The following LIFR variants were observed in gnomAD, a reference collection of about 807,000 sequenced individuals.
The protein encoded by LIFR is LIF receptor subunit alpha.
In LIFR, 84 loss-of-function variants were observed where a neutral mutation model predicts 122.2. That is an observed-to-expected ratio of 0.69 (90% confidence interval 0.58 to 0.82). The LOEUF is 0.82. LIFR is among the 40% of genes least tolerant of loss of function. The pLI, the probability that LIFR is intolerant of heterozygous loss-of-function variation, is 0.00. For missense variants in LIFR, 1,294 were observed against 1,311.6 expected (o/e 0.99, Z 0.21); for synonymous variants, 422 against 434.7 (o/e 0.97, Z 0.36).
At chr5:38,595,754 A>G (rs1334406614), upstream of LIFR, among the ~76,000 whole-genome samples, 1 of 141,198 alleles carries the variant, frequency 7.1e-6, no homozygotes, top group Non-Finnish European at 1.5e-5. Context: ...TTTTTTTGAA[A>G]CAGAGTCTCG....
intron 1 of LIFR, among the ~76,000 whole-genome samples, chr5:38,593,235 A>G (rs1221639256): frequency 6.6e-6 from 1 of 152,008 alleles, no homozygotes; most frequent in Non-Finnish European, 1.5e-5. Context: ...CAAAACAAAC[A>G]AACAAAAAAC....
chr5:38,525,952 A>C (rs1268958143), intron 4 of LIFR, among the ~76,000 whole-genome samples: 1 of 152,254 alleles, frequency 6.6e-6, no homozygotes, highest in Non-Finnish European at 1.5e-5. Context: ...TTTAAATAGC[A>C]GTGGGCTACT....
At chr5:38,544,928 T>C (rs1747792425) in intron 1 of LIFR, among the ~76,000 whole-genome samples, 1 of 152,128 alleles carries the variant, frequency 6.6e-6, no homozygotes, top group African/African-American at 2.4e-5. Flanking sequence ...ATAAACTGAA[T>C]CTAGTGTGCA....
intron 1 of LIFR, among the ~76,000 whole-genome samples, chr5:38,563,666 A>G (rs1291327827): frequency 1.3e-5 from 2 of 152,236 alleles, no homozygotes; most frequent in Admixed American, 6.5e-5. Flanking sequence ...CATGCCAGGT[A>G]CTGTGTACCA....
intron 18 of LIFR, among the ~76,000 whole-genome samples, chr5:38,483,295 G>A (rs1256747220): frequency 3.3e-5 from 5 of 152,132 alleles, no homozygotes; most frequent in Admixed American, 6.5e-5. Context: ...AAAAAGAACT[G>A]TATTACTTGA....
rs554582123 is a variant in LIFR, at chr5:38,509,954, G to C, written c.991+510C>G. Among the ~76,000 whole-genome samples the C allele has an allele frequency of 2.6e-5, 4 of 152,278 alleles. No individual in the cohort carries two copies. In the South Asian group the frequency reaches 6.2e-4, roughly 24 times the overall value. Reference sequence around the variant, plus strand: ...ACAACATATATAGAACGCAGTGGGAGAGTATGTTTCCCCTCACCCATGTCC... The same window carrying C: ...ACAACATATATAGAACGCAGTGGGACAGTATGTTTCCCCTCACCCATGTCC... On this transcript the variant is annotated intron_variant, in intron 7 of 19. Transcript: ENST00000453190.
chr5:38,584,374 A>C (rs997776148), intron 1 of LIFR, among the ~76,000 whole-genome samples: 1 of 152,042 alleles, frequency 6.6e-6, no homozygotes, highest in African/African-American at 2.4e-5. Flanking sequence ...GAAATCACCC[A>C]CTCATAAAGA....
At chr5:38,571,568 C>T (rs1749215019) in intron 1 of LIFR, among the ~76,000 whole-genome samples, 1 of 150,274 alleles carries the variant, frequency 6.7e-6, no homozygotes, top group Non-Finnish European at 1.5e-5. Context: ...GCCTCCTTCT[C>T]CTCCTCTCCT....
In LIFR at chr5:38,527,205, T is replaced by C. The variant is rs753583944; in HGVS notation, c.347A>G (p.His116Arg). The change falls in exon 4 of 20, where the codon CAT (histidine) becomes CGT (arginine). Residue 116 changes from histidine to arginine, a missense_variant. Physicochemically the swap from His to Arg is conservative, Grantham distance 29. Coordinates refer to ENST00000453190, the MANE Select transcript of LIFR (RefSeq NM_001127671.2). ...TTTACTTGTAGAACTTCCAAAATCA[T>C]GTAGAGAATTTATTGTTATTTCATA... ...GDYEITINSL[H>R]DFGSSTSKFT... 1.9e-6 allele frequency: 3 copies of C among 1,588,540 alleles called. No homozygotes were observed. The highest frequency in any genetic ancestry group is 1.3e-5 in the African/African-American group (1 of 74,476).
intron 1 of LIFR, among the ~76,000 whole-genome samples, chr5:38,575,314 G>C (rs1393263417): frequency 6.6e-6 from 1 of 152,120 alleles, no homozygotes; most frequent in Admixed American, 6.6e-5. Flanking sequence ...CCAGGGTACT[G>C]ATAATGTTCT....
chr5:38,520,134 GT>G (rs751060435), intron 5 of LIFR, among the ~76,000 whole-genome samples: 5 of 151,742 alleles, frequency 3.3e-5, no homozygotes, highest in East Asian at 1.9e-4. Context: ...CAATATATAA[GT>G]TTTTTTTGTC....
chr5:38,581,414 C>A (rs978652876), intron 1 of LIFR, among the ~76,000 whole-genome samples: 1 of 152,196 alleles, frequency 6.6e-6, no homozygotes, highest in African/African-American at 2.4e-5. Flanking sequence ...AACTTCTCAC[C>A]ATTCCGCAAC....
rs1033211688 is a variant in LIFR, at chr5:38,497,736, T to C, written c.1672-1141A>G. On this transcript the variant is annotated intron_variant, in intron 12 of 19. Coordinates refer to ENST00000453190, the MANE Select transcript of LIFR (RefSeq NM_001127671.2). ...TTTTTTACTAACATTGTTTTAATCA[T>C]ATTACACCATTTTACTTTTTACTTT... Among the ~76,000 whole-genome samples, 8 of 152,194 alleles carry C rather than the reference T, an allele frequency of 5.3e-5. 1 individual carries two copies. Among genetic ancestry groups the C allele is most frequent in the Admixed American group, 4.6e-4 (7 of 15,284 alleles).
upstream of LIFR, among the ~76,000 whole-genome samples, chr5:38,560,714 G>C (rs1451478556): frequency 6.6e-6 from 1 of 151,718 alleles, no homozygotes; most frequent in Non-Finnish European, 1.5e-5. Flanking sequence ...ATCTGCCTCA[G>C]CCTCCTGAGT....
chr5:38,517,605 C>G (rs1253925294), intron 5 of LIFR, among the ~76,000 whole-genome samples: 1 of 151,796 alleles, frequency 6.6e-6, no homozygotes, highest in Non-Finnish European at 1.5e-5. Context: ...TGCCTGTAAT[C>G]CCAGCACTTT....
chr5:38,482,988 T>A (rs1445876539), intron 18 of LIFR, among the ~76,000 whole-genome samples: 1 of 152,216 alleles, frequency 6.6e-6, no homozygotes, highest in Non-Finnish European at 1.5e-5. Context: ...ACAGCTGTGA[T>A]CCCATGGCAC....
In LIFR at chr5:38,493,605, C is replaced by T. The variant is rs761911413; in HGVS notation, c.2065+1G>A. 1 of 1,613,234 alleles carries T rather than the reference C, an allele frequency of 6.2e-7. No homozygotes were observed. The highest frequency in any genetic ancestry group is 8.5e-7 in the Non-Finnish European group (1 of 1,179,188). ...AATTGAGAGACACTAATTCATCTTACCAGATTCTATTACAGTTTCAGTGCT... is the reference window on the plus strand; with the variant it reads ...AATTGAGAGACACTAATTCATCTTATCAGATTCTATTACAGTTTCAGTGCT... On this transcript the variant is annotated splice_donor_variant, in intron 14 of 19. Coordinates refer to ENST00000453190, the MANE Select transcript of LIFR (RefSeq NM_001127671.2). LOFTEE classifies it high-confidence loss of function.
At chr5:38,553,539 C>A (rs1458332079) in intron 1 of LIFR, among the ~76,000 whole-genome samples, 1 of 145,902 alleles carries the variant, frequency 6.9e-6, no homozygotes, top group South Asian at 2.2e-4. Context: ...ATACAGACAA[C>A]GTTAGCAGTT....
intron 13 of LIFR, among the ~76,000 whole-genome samples, chr5:38,494,928 C>T (rs565008001): frequency 6.6e-6 from 1 of 152,266 alleles, no homozygotes; most frequent in Admixed American, 6.5e-5. Context: ...TTTAAGGGTT[C>T]AGTAAAAATA....
Sources: allele counts gnomAD v4.1 joint callset (sites outside exome capture counted in the v4.1 genomes callset), GRCh38; gene constraint gnomAD v4.1.1; transcripts MANE v1.5; gene names NCBI Gene and HGNC (gene_info 2026-07-23, HGNC 2026-07-21).